The following ACOX3 variants were observed in gnomAD, a reference collection of about 807,000 sequenced individuals.
ACOX3 encodes the protein peroxisomal acyl-coenzyme A oxidase 3.
ACOX3 carries 73 observed loss-of-function variants against 81.5 expected under a neutral mutation model. The ratio of observed to expected loss-of-function variants is 0.90; its 90% CI spans 0.74 to 1.09. The LOEUF (loss-of-function observed/expected upper bound fraction) is 1.09. ACOX3 is among the 50% of genes least tolerant of loss of function. ACOX3 has a pLI of 0.00. For missense variants in ACOX3, 947 were observed against 928.0 expected (o/e 1.02, Z -0.27); for synonymous variants, 387 against 375.1 (o/e 1.03, Z -0.37).
At position 8,407,126 on chromosome 4, in the gene ACOX3, C is replaced by T. The variant is rs1439413449; in HGVS notation, c.688-1083G>A. 1.3e-5 allele frequency among the ~76,000 whole-genome samples: 2 copies of T among 152,238 alleles called. No individual in the cohort carries two copies. The highest frequency in any genetic ancestry group is 2.9e-5 in the Non-Finnish European group (2 of 68,036). On this transcript the variant is annotated intron_variant, in intron 6 of 17. Transcript: ENST00000356406. The surrounding 1 kb of genome is among the most constrained non-coding windows in gnomAD (Gnocchi z 4.6). ...CTCTGGTGGCCCTGTCTGGGCATAA[C>T]AGAAGGCTCGTACTCTTGTCTTCTG...
chr4:8,395,103 C>A (rs1274839454), intron 9 of ACOX3, among the ~76,000 whole-genome samples: 1 of 152,208 alleles, frequency 6.6e-6, no homozygotes, highest in Non-Finnish European at 1.5e-5. Context: ...GACTGGCTGA[C>A]AGCATGAGCC....
Position 8,402,707 on chromosome 4 carries a change from G to A in ACOX3, c.777-3055C>T, listed in dbSNP as rs111406889. 8.5e-3 allele frequency among the ~76,000 whole-genome samples: 1,298 copies of A among 152,334 alleles called. 20 individuals carry two copies. The highest frequency in any genetic ancestry group is 0.03 in the African/African-American group (1,241 of 41,570). ...AAGCCAGATCCAGTGTCTCCAGCGGGAGACGTGTGCGTGTGTCACAGGTGT... is the reference window on the plus strand; with the variant it reads ...AAGCCAGATCCAGTGTCTCCAGCGGAAGACGTGTGCGTGTGTCACAGGTGT... On this transcript the variant is annotated intron_variant, in intron 7 of 17. Transcript: ENST00000356406.
intron 15 of ACOX3, 101 bp from the exon 16 acceptor site, chr4:8,373,729 G>A: frequency 3.7e-6 from 4 of 1,090,296 alleles, no homozygotes; most frequent in Non-Finnish European, 5.4e-6. Flanking sequence ...CCATATAGGA[G>A]GCCTGTTTTG....
intron 1 of ACOX3, among the ~76,000 whole-genome samples, chr4:8,424,479 A>C (rs938874071): frequency 3.3e-5 from 5 of 152,256 alleles, no homozygotes; most frequent in African/African-American, 1.2e-4. Flanking sequence ...ATGTAGTGGC[A>C]AAGGGTTGGC....
intron 5 of ACOX3, among the ~76,000 whole-genome samples, chr4:8,413,718 C>T (rs1161150905): frequency 3.9e-5 from 6 of 152,104 alleles, no homozygotes; most frequent in African/African-American, 1.2e-4. Context: ...CTCCACAGCA[C>T]TGACAGCCCC....
At position 8,406,077 on chromosome 4, in the gene ACOX3, C is replaced by G; in HGVS notation, c.688-34G>C. The G allele has an allele frequency of 1.3e-6, 2 of 1,592,546 alleles. No individual in the cohort carries two copies. The highest frequency in any genetic ancestry group is 8.6e-7 in the Non-Finnish European group (1 of 1,160,896). On this transcript the variant is annotated intron_variant, in intron 6 of 17. Transcript: ENST00000356406. This position sits in a 1 kb window ranked among gnomAD's most constrained non-coding sequence, Gnocchi z 5.6. ...AGCCACAGAAAGCAGCAAACAGCAA[C>G]TGTTACAATCACACAAAAATCAAAA... is the stretch of plus-strand genomic sequence containing the variant.
At chr4:8,396,911 T>C (rs764613888) in intron 9 of ACOX3, 26 bp downstream of exon 9, 4 of 1,601,232 alleles carry the variant, frequency 2.5e-6, no homozygotes, top group East Asian at 2.2e-5. Flanking sequence ...AGAGAGACAG[T>C]GAAAGGATGC....
rs942549229 is a variant in ACOX3 at position 8,405,205 on chromosome 4, C to T, written c.776+750G>A. The stretch of plus-strand genomic sequence containing the variant: ...CCCTCAAAGACCCTCAAGGCCCTTG[C>T]GGCCTGGCCTCCCTACCCCGCCTGC... On this transcript the variant is annotated intron_variant, in intron 7 of 17. Coordinates refer to ENST00000356406, the MANE Select transcript of ACOX3 (RefSeq NM_003501.3). This position sits in a 1 kb window ranked among gnomAD's most constrained non-coding sequence, Gnocchi z 7.1. Among the ~76,000 whole-genome samples the T allele has an allele frequency of 2.6e-5, 4 of 152,226 alleles. No individual in the cohort carries two copies. Among genetic ancestry groups the T allele is most frequent in the Non-Finnish European group, 4.4e-5 (3 of 68,040 alleles).
rs114532701 is a variant in ACOX3, at chr4:8,372,633, G to A, written c.1896+928C>T. ...GCCACAATCAGACACGCCCCTCTCT[G>A]GAACCGCAGGCTCAGGGAAGGGCTT... On this transcript the variant is annotated intron_variant, in intron 16 of 17. Transcript: ENST00000356406. 4.6e-3 allele frequency among the ~76,000 whole-genome samples: 707 copies of A among 152,278 alleles called. 5 individuals are homozygous for A. Among genetic ancestry groups the A allele is most frequent in the African/African-American group, 0.016 (676 of 41,544 alleles).
In ACOX3 at chr4:8,394,215, G is replaced by A. The variant is rs1028276448; in HGVS notation, c.1179+405C>T. 1.3e-5 allele frequency among the ~76,000 whole-genome samples: 2 copies of A among 152,114 alleles called. No individual in the cohort carries two copies. The highest frequency in any genetic ancestry group is 2.9e-5 in the Non-Finnish European group (2 of 68,028). ...GGCTGATCTCGGGATTTGCACGCTC[G>A]TTTCTGGCACAAATCCTCTGACTGT... On this transcript the variant is annotated intron_variant, in intron 10 of 17. Transcript: ENST00000356406. The surrounding 1 kb of genome is among the most constrained non-coding windows in gnomAD (Gnocchi z 5.9).
rs772804215 is a variant in ACOX3 at position 8,414,964 on chromosome 4, G to A, written c.379-36C>T. The A allele has an allele frequency of 6.3e-7, 1 of 1,587,274 alleles. No homozygotes were observed. The highest frequency in any genetic ancestry group is 8.7e-7 in the Non-Finnish European group (1 of 1,155,648). On this transcript the variant is annotated intron_variant, in intron 3 of 17. Coordinates refer to ENST00000356406, the MANE Select transcript of ACOX3 (RefSeq NM_003501.3). The surrounding 1 kb of genome is among the most constrained non-coding windows in gnomAD (Gnocchi z 6.1). ...AACATCGTCCTATCAACAGGGGGCAGGTAAGAAGAGTACTGCTCTTCCGGA... is the reference window on the plus strand; with the variant it reads ...AACATCGTCCTATCAACAGGGGGCAAGTAAGAAGAGTACTGCTCTTCCGGA...
At position 8,367,007 on chromosome 4, in the gene ACOX3, A is replaced by G; in HGVS notation, c.2057T>C (p.Phe686Ser). ...TCCTATGACAGGTTTGTTCACAGAA[A>G]ACTCTGGCCACCAGGATGCCCGCTC... ...VLERASWWPE[F>S]SVNKPVIGSL... is the part of the protein sequence containing the mutation. Residue 686 changes from phenylalanine to serine, a missense_variant, in exon 18 of 18, where the codon TTT (phenylalanine) becomes TCT (serine). By Grantham distance (155) the Phe-to-Ser change is radical. Coordinates refer to ENST00000356406, the MANE Select transcript of ACOX3 (RefSeq NM_003501.3). 6.2e-7 allele frequency: 1 copy of G among 1,614,108 alleles called. No homozygotes were observed. The highest frequency in any genetic ancestry group is 8.5e-7 in the Non-Finnish European group (1 of 1,180,014).
In ACOX3 at chr4:8,423,365, A is replaced by T. The variant is rs561006455; in HGVS notation, c.-14-6830T>A. On this transcript the variant is annotated intron_variant, in intron 1 of 17. Coordinates refer to ENST00000356406, the MANE Select transcript of ACOX3 (RefSeq NM_003501.3). The surrounding 1 kb of genome is among the most constrained non-coding windows in gnomAD (Gnocchi z 4.2). ...CTACTTGAGGAAGGAATTAATCCTG[A>T]AGTCTGGGCAACAGAAGGACAATAT... Among the ~76,000 whole-genome samples, 1 of 152,238 alleles carries T rather than the reference A, an allele frequency of 6.6e-6. No homozygotes were observed. Among genetic ancestry groups the T allele is most frequent in the Non-Finnish European group, 1.5e-5 (1 of 68,004 alleles).
intron 1 of ACOX3, among the ~76,000 whole-genome samples, chr4:8,420,860 C>T (rs146360188): frequency 0.012 from 1,819 of 152,302 alleles, 16 homozygotes; most frequent in Non-Finnish European, 0.018. Context: ...TGCTCCCAAT[C>T]GGGCTAGAGG....
At chr4:8,379,481 C>T (rs539547825) in intron 14 of ACOX3, among the ~76,000 whole-genome samples, 34 of 152,342 alleles carry the variant, frequency 2.2e-4, no homozygotes, top group South Asian at 6.2e-4. Flanking sequence ...CCGTCTCAGC[C>T]GGATCAGAAC....
At chr4:8,367,505 C>A (rs183953559) in intron 17 of ACOX3, among the ~76,000 whole-genome samples, 163 of 151,674 alleles carry the variant, frequency 1.1e-3, no homozygotes, top group African/African-American at 3.7e-3. Flanking sequence ...ACAACAACAA[C>A]AATAACAAAA....
At chr4:8,363,806 G>A (rs1164696980), downstream of ACOX3, among the ~76,000 whole-genome samples, 3 of 152,078 alleles carry the variant, frequency 2.0e-5, no homozygotes, top group Non-Finnish European at 2.9e-5. Flanking sequence ...GTAACCTCTC[G>A]TTGTCCTCAC....
chr4:8,408,954 G>C (rs1046938355), intron 6 of ACOX3, among the ~76,000 whole-genome samples: 5 of 148,962 alleles, frequency 3.4e-5, no homozygotes, highest in Non-Finnish European at 7.4e-5. Flanking sequence ...AACAGCATCA[G>C]TATGGAGTTA....
At chr4:8,401,487 C>T (rs1219403602) in intron 7 of ACOX3, among the ~76,000 whole-genome samples, 1 of 152,176 alleles carries the variant, frequency 6.6e-6, no homozygotes, top group Non-Finnish European at 1.5e-5. Flanking sequence ...CCCCTCCATC[C>T]CCACCTAGGA....
Sources: gnomAD v4.1 joint callset for allele counts (sites outside exome capture counted in the v4.1 genomes callset) on GRCh38, gnomAD v4.1.1 for gene constraint, Gnocchi (gnomAD v3.1) non-coding constraint, MANE v1.5 for transcripts, NCBI Gene and HGNC (gene_info 2026-07-23, HGNC 2026-07-21) for gene names.